The following FNIP1 variants were observed in gnomAD, a reference collection of about 807,000 sequenced individuals.
FNIP1 encodes the protein folliculin interacting protein 1.
A neutral mutation model predicts 124.5 loss-of-function variants in FNIP1; 40 were observed. That is an observed-to-expected ratio of 0.32 (90% CI 0.25 to 0.42). The LOEUF (loss-of-function observed/expected upper bound fraction) is 0.42. Among genes scored for constraint, FNIP1 ranks in the 10% least tolerant of loss-of-function variants. The pLI is 1.00. For missense variants in FNIP1, 1,176 were observed against 1,403.7 expected, an observed-to-expected ratio of 0.84 and a Z score of 2.59; for synonymous variants, 472 against 470.6, an observed-to-expected ratio of 1.00 and a Z score of -0.04.
chr5:131,715,557 G>T (rs889923706), intron 6 of FNIP1, among the ~76,000 whole-genome samples: 1 of 152,074 alleles, frequency 6.6e-6, no homozygotes, highest in African/African-American at 2.4e-5. Context: ...GCTTTGAAAA[G>T]TATCAAATTA....
intron 15 of FNIP1, among the ~76,000 whole-genome samples, chr5:131,652,509 C>G (rs1005801768): frequency 1.3e-5 from 2 of 152,184 alleles, no homozygotes; most frequent in African/African-American, 4.8e-5. Flanking sequence ...CACACGCCAC[C>G]ACGCCTGACT....
intron 15 of FNIP1, among the ~76,000 whole-genome samples, chr5:131,656,696 T>C (rs998377884): frequency 6.6e-6 from 1 of 151,908 alleles, no homozygotes; most frequent in Non-Finnish European, 1.5e-5. Flanking sequence ...ATCAAGAAAA[T>C]CATAGAGGAC....
At chr5:131,706,082 G>A (rs1273813875) in intron 9 of FNIP1, among the ~76,000 whole-genome samples, 1 of 152,106 alleles carries the variant, frequency 6.6e-6, no homozygotes, top group Non-Finnish European at 1.5e-5. Flanking sequence ...GTTACAAGAG[G>A]AAGAAAAGGG....
chr5:131,720,920 C>T (rs937278079), intron 3 of FNIP1, among the ~76,000 whole-genome samples: 3 of 152,134 alleles, frequency 2.0e-5, no homozygotes, highest in African/African-American at 7.2e-5. Context: ...AACAACATGG[C>T]AAGTCCTCCA....
At chr5:131,767,883 TA>T (rs1001010341) in intron 1 of FNIP1, among the ~76,000 whole-genome samples, 4 of 152,202 alleles carry the variant, frequency 2.6e-5, no homozygotes, top group African/African-American at 9.7e-5. Flanking sequence ...TATATCCAAT[TA>T]TTTTTCTCTA....
Position 131,671,853 on chromosome 5 carries a change from C to T in FNIP1, c.2591G>A (p.Cys864Tyr). ...TATTTTTGAAAACTCTAACATACAG[C>T]AATGGTCTTTACTATCTGTACTTGT... ...FKTSTDSKDHCCMLEFSKILC... is the reference protein window; with the variant it reads ...FKTSTDSKDHYCMLEFSKILC... Residue 864 changes from cysteine to tyrosine, a missense_variant, in exon 14 of 18, where the codon TGC becomes TAC. By Grantham distance (194) the Cys-to-Tyr change is radical (BLOSUM62 -2). Coordinates refer to ENST00000510461, the MANE Select transcript of FNIP1 (RefSeq NM_133372.3). 6.2e-7 allele frequency: 1 copy of T among 1,614,006 alleles called. No homozygotes were observed. The highest frequency in any genetic ancestry group is 8.5e-7 in the Non-Finnish European group (1 of 1,179,962).
In FNIP1 at chr5:131,677,840, G is replaced by A; in HGVS notation, c.1382C>T (p.Thr461Ile). The A allele has an allele frequency of 6.8e-6, 11 of 1,614,042 alleles. No homozygotes were observed. Among genetic ancestry groups the A allele is most frequent in the Non-Finnish European group, 9.3e-6 (11 of 1,179,962 alleles). The change falls in exon 13 of 18, where the codon ACC becomes ATC. Residue 461 changes from threonine to isoleucine, a missense_variant. Physicochemically the swap from Thr to Ile is moderately conservative, Grantham distance 89. This residue lies in a region of FNIP1 where 1,109 missense variants were observed against 1,288.5 expected (regional missense o/e 0.86). Coordinates refer to ENST00000510461, the MANE Select transcript of FNIP1 (RefSeq NM_133372.3). ...FLPALITAVL[T>I]NHLAWVPTVM... ...TGTTGGAACCCAGGCAAGATGATTG[G>A]TCAGAACTGCAGTAATGAGAGCTGG...
intron 2 of FNIP1, among the ~76,000 whole-genome samples, chr5:131,732,191 C>A (rs1263249344): frequency 6.6e-6 from 1 of 152,180 alleles, no homozygotes; most frequent in African/African-American, 2.4e-5. Context: ...TATGTCCATT[C>A]TTTCATTTAA....
chr5:131,676,098 T>C (rs1350022605), intron 13 of FNIP1, among the ~76,000 whole-genome samples: 1 of 151,200 alleles, frequency 6.6e-6, no homozygotes, highest in African/African-American at 2.4e-5. Context: ...CTCGGCTCAC[T>C]GCAAGCTCCG....
chr5:131,792,685 TGA>T (rs1285201452), intron 1 of FNIP1, among the ~76,000 whole-genome samples: 3 of 152,220 alleles, frequency 2.0e-5, no homozygotes, highest in East Asian at 3.8e-4. Flanking sequence ...TGACTTCATG[TGA>T]GGAGTCAAAA....
chr5:131,651,875 A>G lies in FNIP1; in HGVS notation c.3233T>C (p.Leu1078Ser). ...VTDNKLGKEV[L>S]VSSLVSNLLH... ...CAGATTGGAAACAAGACTGGAAACC[A>G]ATACTTCCTTTCCCAATTTATTATC... is the stretch of plus-strand genomic sequence containing the variant. Residue 1078 changes from leucine to serine, a missense_variant, in exon 16 of 18, where the codon TTG becomes TCG. Physicochemically the swap from Leu to Ser is moderately radical, Grantham distance 145. This residue lies in a region of FNIP1 where 67 missense variants were observed against 115.2 expected (regional missense o/e 0.58). Transcript: ENST00000510461. The G allele has an allele frequency of 1.2e-6, 2 of 1,614,188 alleles. No homozygotes were observed. The highest frequency in any genetic ancestry group is 1.1e-5 in the South Asian group (1 of 91,084).
chr5:131,790,914 A>G (rs75274532), intron 1 of FNIP1, among the ~76,000 whole-genome samples: 2 of 152,358 alleles, frequency 1.3e-5, no homozygotes, highest in East Asian at 3.9e-4. Context: ...GGAGGAGTGT[A>G]GATTAAGACA....
At chr5:131,679,709 C>G (rs983605002) in intron 11 of FNIP1, among the ~76,000 whole-genome samples, 2 of 152,170 alleles carry the variant, frequency 1.3e-5, no homozygotes, top group Non-Finnish European at 2.9e-5. Flanking sequence ...TTTTATGACT[C>G]TCTCAACCTT....
At chr5:131,650,812 G>A (rs1270773517) in intron 16 of FNIP1, among the ~76,000 whole-genome samples, 1 of 152,168 alleles carries the variant, frequency 6.6e-6, no homozygotes, top group Non-Finnish European at 1.5e-5. Context: ...GTATGTTATA[G>A]TTCTCCTAAT....
intron 1 of FNIP1, among the ~76,000 whole-genome samples, chr5:131,787,516 A>T (rs940913533): frequency 2.6e-5 from 4 of 152,190 alleles, no homozygotes; most frequent in African/African-American, 9.7e-5. Context: ...CAAACTGAGG[A>T]CTTTGAACTT....
intron 1 of FNIP1, among the ~76,000 whole-genome samples, chr5:131,761,595 T>C (rs925927898): frequency 6.6e-6 from 1 of 152,010 alleles, no homozygotes; most frequent in African/African-American, 2.4e-5. Flanking sequence ...GAAACAGTGA[T>C]GAAAGAAATT....
At chr5:131,662,675 C>G (rs1461427259) in intron 15 of FNIP1, among the ~76,000 whole-genome samples, 2 of 150,592 alleles carry the variant, frequency 1.3e-5, no homozygotes, top group African/African-American at 4.9e-5. Context: ...CCATGCACAG[C>G]TTCTCATTTC....
At chr5:131,684,311 G>T (rs1365262341) in intron 11 of FNIP1, among the ~76,000 whole-genome samples, 1 of 152,132 alleles carries the variant, frequency 6.6e-6, no homozygotes, top group Non-Finnish European at 1.5e-5. Flanking sequence ...TACTGCAAAA[G>T]CACTGCAATT....
chr5:131,646,513 T>C (rs1418421492), intron 17 of FNIP1, among the ~76,000 whole-genome samples: 2 of 152,180 alleles, frequency 1.3e-5, no homozygotes, highest in East Asian at 1.9e-4. Context: ...AAATAATTCA[T>C]ATGAACCCAC....
Sources: allele counts gnomAD v4.1 joint callset (sites outside exome capture counted in the v4.1 genomes callset), GRCh38; gene constraint gnomAD v4.1.1; regional missense constraint gnomAD v4.1.1; transcripts MANE v1.5; gene names NCBI Gene and HGNC (gene_info 2026-07-23, HGNC 2026-07-21).